The following NT5C2 variants were observed in gnomAD, a reference collection of about 807,000 sequenced individuals.
NT5C2 encodes the protein 5'-nucleotidase, cytosolic II.
NT5C2 carries 58 observed loss-of-function variants against 76.1 expected under a neutral mutation model. That is an observed-to-expected ratio of 0.76 (90% CI 0.62 to 0.95). The LOEUF is 0.95. Among genes scored for constraint, NT5C2 ranks in the 40% least tolerant of loss-of-function variants. NT5C2 has a pLI of 0.00. For synonymous variants in NT5C2, 229 were observed against 237.4 expected (o/e 0.96, Z 0.32); for missense variants, 478 against 690.3 (o/e 0.69, Z 3.45).
intron 4 of NT5C2, among the ~76,000 whole-genome samples, chr10:103,121,816 G>A (rs934386021): frequency 6.6e-6 from 1 of 152,124 alleles, no homozygotes; most frequent in Non-Finnish European, 1.5e-5. Context: ...AAAAGAGAGG[G>A]ACCTAAAATG....
intron 6 of NT5C2, chr10:103,105,262 C>T: frequency 4.5e-6 from 1 of 221,866 alleles, no homozygotes; most frequent in Non-Finnish European, 9.3e-6. Context: ...AGTTTAGATT[C>T]ATTAGAATCT....
At chr10:103,126,702 G>A (rs2076729152) in intron 4 of NT5C2, among the ~76,000 whole-genome samples, 3 of 152,190 alleles carry the variant, frequency 2.0e-5, no homozygotes. Context: ...GTACTATCTA[G>A]ATTCTAAACA....
At chr10:103,129,578 GT>G (rs1267476002) in intron 4 of NT5C2, among the ~76,000 whole-genome samples, 13 of 123,956 alleles carry the variant, frequency 1.0e-4, no homozygotes, top group Admixed American at 3.0e-4. Flanking sequence ...GGAGGTGGGG[GT>G]GTCAGCCCCC....
chr10:103,091,065 C>T, intron 16 of NT5C2, 69 bp from the exon 17 acceptor site: 1 of 1,382,054 alleles, frequency 7.2e-7, no homozygotes, highest in South Asian at 1.2e-5. Flanking sequence ...AAGACAGTCT[C>T]ATTCTGTCAC....
intron 3 of NT5C2, among the ~76,000 whole-genome samples, chr10:103,169,942 T>C (rs1449288966): frequency 2.0e-5 from 3 of 152,078 alleles, no homozygotes; most frequent in Non-Finnish European, 4.4e-5. Context: ...CTGGCCAACA[T>C]GGTGAAACCC....
rs968100031 is a variant in NT5C2, at chr10:103,088,798, C to T, written c.*874G>A. 5 of 185,964 alleles carry T rather than the reference C, an allele frequency of 2.7e-5. No individual in the cohort carries two copies. Among genetic ancestry groups the T allele is most frequent in the Admixed American group, 6.2e-5 (1 of 16,078 alleles). The allele number at this position is 185,964 out of a possible 1,614,324, so 11.5% of individuals were successfully genotyped here. A position where few individuals can be genotyped will look rare whatever the true frequency, so the allele number is the denominator to read the frequency against. ...TCCTCTGATGTTCAATTTTAATATA[C>T]AGCAATCAACTCTTAGAGGACAAAG... On this transcript the variant is annotated 3_prime_UTR_variant, in exon 19 of 19. Transcript: ENST00000404739.
chr10:103,141,162 A>G (rs2080349048), intron 3 of NT5C2, among the ~76,000 whole-genome samples: 1 of 152,228 alleles, frequency 6.6e-6, no homozygotes, highest in Non-Finnish European at 1.5e-5. Flanking sequence ...AATCCATAAT[A>G]AAAATTATTC....
intron 4 of NT5C2, among the ~76,000 whole-genome samples, chr10:103,126,106 T>C (rs954394573): frequency 3.9e-5 from 6 of 152,062 alleles, no homozygotes; most frequent in African/African-American, 1.4e-4. Flanking sequence ...GTATAGAAAG[T>C]ATATACATGA....
chr10:103,105,035 G>A (rs772090028), intron 6 of NT5C2, among the ~76,000 whole-genome samples: 106 of 152,212 alleles, frequency 7.0e-4, no homozygotes, highest in Non-Finnish European at 1.3e-3. Flanking sequence ...GTGGCATTAT[G>A]ATTTGAAAAT....
chr10:103,132,743 G>A (rs2078452291), intron 4 of NT5C2, among the ~76,000 whole-genome samples: 1 of 152,006 alleles, frequency 6.6e-6, no homozygotes, highest in Non-Finnish European at 1.5e-5. Context: ...GTAGAGACAG[G>A]GTTTCACTGT....
intron 3 of NT5C2, among the ~76,000 whole-genome samples, chr10:103,172,721 G>A (rs550019006): frequency 5.6e-4 from 86 of 152,238 alleles, no homozygotes; most frequent in Non-Finnish European, 1.0e-3. Flanking sequence ...TGTAATCCCA[G>A]CTACCAGAGA....
In NT5C2 at chr10:103,097,386, T is replaced by C. The variant is rs894257560; in HGVS notation, c.688-12A>G. 3.7e-6 allele frequency: 6 copies of C among 1,604,508 alleles called. No individual in the cohort carries two copies. Among genetic ancestry groups the C allele is most frequent in the South Asian group, 2.2e-5 (2 of 90,566 alleles). On this transcript the variant is annotated splice_polypyrimidine_tract_variant and intron_variant, in intron 10 of 18. Coordinates refer to ENST00000404739, the MANE Select transcript of NT5C2 (RefSeq NM_001351169.2). ...AAAGGCAGTTTTCCCTGAAATGTAA[T>C]TGGATAATGAGTGAAACACGAAAAC...
intron 3 of NT5C2, among the ~76,000 whole-genome samples, chr10:103,163,180 A>G (rs2085362310): frequency 6.6e-6 from 1 of 152,254 alleles, no homozygotes; most frequent in South Asian, 2.1e-4. Context: ...CTGTTTATGT[A>G]TGTACCTGCT....
chr10:103,164,869 TTTC>T (rs2085968938), intron 3 of NT5C2, among the ~76,000 whole-genome samples: 1 of 152,228 alleles, frequency 6.6e-6, no homozygotes, highest in Non-Finnish European at 1.5e-5. Flanking sequence ...CAATACCACT[TTTC>T]TTCTTAATTT....
At chr10:103,139,707 C>A (rs904080032) in intron 3 of NT5C2, among the ~76,000 whole-genome samples, 15 of 152,076 alleles carry the variant, frequency 9.9e-5, no homozygotes, top group Admixed American at 9.8e-4. Context: ...AATTAACATA[C>A]CCATTATCCC....
chr10:103,148,553 A>G (rs2081896046), intron 3 of NT5C2, among the ~76,000 whole-genome samples: 1 of 151,848 alleles, frequency 6.6e-6, no homozygotes, highest in East Asian at 1.9e-4. Context: ...GCAGTGAGCC[A>G]AGATCGTGCC....
Position 103,164,599 on chromosome 10 carries a change from A to G in NT5C2, c.101+10259T>C, listed in dbSNP as rs148260359. Among the ~76,000 whole-genome samples the G allele has an allele frequency of 6.6e-5, 10 of 152,304 alleles. No homozygotes were observed. In the East Asian group the frequency reaches 1.9e-3, roughly 29 times the overall value. On this transcript the variant is annotated intron_variant, in intron 3 of 18. Transcript: ENST00000404739. Reference sequence around the variant, plus strand: ...ATTAAAAAAACCTAAATGTCCACCAACAGAAAATAAATGATGAAATAAATT... The same window carrying G: ...ATTAAAAAAACCTAAATGTCCACCAGCAGAAAATAAATGATGAAATAAATT...
Position 103,093,569 on chromosome 10 carries a change from A to C in NT5C2, c.989-260T>G, listed in dbSNP as rs186275172. On this transcript the variant is annotated intron_variant, in intron 14 of 18. Coordinates refer to ENST00000404739, the MANE Select transcript of NT5C2 (RefSeq NM_001351169.2). ...TCAGCTTAGTGAAAATAACCTTCAA[A>C]ACAGCCACTGCCAATTTCATCACAA... Among the ~76,000 whole-genome samples, 9 of 152,244 alleles carry C rather than the reference A, an allele frequency of 5.9e-5. No individual in the cohort carries two copies. In the East Asian group the frequency reaches 1.7e-3, roughly 29 times the overall value.
At chr10:103,184,415 A>T (rs2091743803) in intron 1 of NT5C2, among the ~76,000 whole-genome samples, 1 of 152,208 alleles carries the variant, frequency 6.6e-6, no homozygotes, top group Non-Finnish European at 1.5e-5. Flanking sequence ...CATCACACTT[A>T]CCCACACACA....
Sources: gnomAD v4.1 joint callset for allele counts (sites outside exome capture counted in the v4.1 genomes callset) on GRCh38, gnomAD v4.1.1 for gene constraint, MANE v1.5 for transcripts, NCBI Gene and HGNC (gene_info 2026-07-23, HGNC 2026-07-21) for gene names.